ERCC6: variants seen among roughly 807,000 people sequenced by gnomAD.
ERCC6 encodes DNA excision repair protein ERCC-6.
ERCC6 carries 116 observed loss-of-function variants against 158.7 expected under a neutral mutation model. The ratio of observed to expected loss-of-function variants is 0.73; its 90% CI spans 0.63 to 0.85. The LOEUF is 0.85. Ranked by LOEUF, ERCC6 falls within the 40% of genes least tolerant of loss-of-function variation. The pLI, the probability that ERCC6 is intolerant of heterozygous loss-of-function variation, is 0.00. For synonymous variants in ERCC6, 678 were observed against 659.3 expected (o/e 1.03, Z -0.43); for missense variants, 1,698 against 1,799.4 (o/e 0.94, Z 1.02).
At chr10:49,534,261 C>T (rs1348317427) in intron 1 of ERCC6, among the ~76,000 whole-genome samples, 1 of 152,058 alleles carries the variant, frequency 6.6e-6, no homozygotes, top group African/African-American at 2.4e-5. Context: ...AGAAGGATCC[C>T]CCCTCACATA....
chr10:49,478,733 T>C (rs1410754712), intron 10 of ERCC6, among the ~76,000 whole-genome samples: 1 of 152,212 alleles, frequency 6.6e-6, no homozygotes, highest in African/African-American at 2.4e-5. Flanking sequence ...ACTGATAATT[T>C]TGTGCCTTAT....
chr10:49,440,731 A>C, the ERCC6 span, among the ~76,000 whole-genome samples: 1 of 152,216 alleles, frequency 6.6e-6, no homozygotes, highest in Admixed American at 6.5e-5. Flanking sequence ...AAAAGAAGTC[A>C]ATAATTAACT....
Position 49,459,113 on chromosome 10 carries a change from G to C in ERCC6, c.4184C>G (p.Ala1395Gly), listed in dbSNP as rs771532766. The C allele has an allele frequency of 3.7e-6, 6 of 1,614,200 alleles. No individual in the cohort carries two copies. The South Asian group carries it at 4.4e-5, about 12-fold the overall frequency. The part of the protein sequence containing the change: ...ASSSLLAKMR[A>G]RNHLILPERL... Reference sequence around the variant, plus strand: ...CTCTGGCAGAATCAGGTGGTTTCTAGCTCTCATTTTAGCCAAGAGTGAGGA... The same window carrying C: ...CTCTGGCAGAATCAGGTGGTTTCTACCTCTCATTTTAGCCAAGAGTGAGGA... Residue 1395 changes from alanine (A) to glycine (G), a missense_variant, in exon 21 of 21, where the codon GCT becomes GGT. By Grantham distance (60) the Ala-to-Gly change is moderately conservative. Transcript: ENST00000355832.
intron 6 of ERCC6, chr10:49,502,066 C>T (rs963857593): frequency 1.1e-4 from 17 of 152,118 alleles, no homozygotes; most frequent in African/African-American, 4.1e-4. Flanking sequence ...TGTTGTTTTG[C>T]TGTCCAAATA....
chr10:49,472,548 T>G, intron 15 of ERCC6, 78 bp from the exon 16 acceptor site: 53 of 1,359,280 alleles, frequency 3.9e-5, no homozygotes, highest in Middle Eastern at 1.9e-4. Flanking sequence ...CAAAGCTAGC[T>G]GGTCACTACC....
intron 1 of ERCC6, among the ~76,000 whole-genome samples, chr10:49,537,216 C>T (rs1389370996): frequency 5.3e-5 from 8 of 151,826 alleles, no homozygotes; most frequent in South Asian, 2.1e-4. Context: ...TGGAGGCGCG[C>T]GCCTGTAATC....
At chr10:49,463,078 C>T (rs1850612373) in intron 18 of ERCC6, among the ~76,000 whole-genome samples, 2 of 152,168 alleles carry the variant, frequency 1.3e-5, no homozygotes, top group South Asian at 2.1e-4. Context: ...ACCCAAAATT[C>T]TTGGGACCAG....
intron 5 of ERCC6, among the ~76,000 whole-genome samples, chr10:49,520,891 A>G (rs1315358483): frequency 1.3e-5 from 2 of 152,242 alleles, no homozygotes; most frequent in South Asian, 2.1e-4. Flanking sequence ...TCCCTTCTCA[A>G]TGATGCACCT....
In ERCC6 at chr10:49,457,984, T is replaced by C. The variant is rs1037760344; in HGVS notation, c.*831A>G. 2.0e-5 allele frequency: 3 copies of C among 152,294 alleles called. No homozygotes were observed. The highest frequency in any genetic ancestry group is 2.9e-5 in the Non-Finnish European group (2 of 68,070). 9.4% of individuals were successfully genotyped at this position (152,294 alleles called of 1,614,324 possible). ...CAGACAAGAGAGGCCTGGAGTGGTG[T>C]CACTTCATGGTAACAACGGCTGGGT... is the stretch of plus-strand genomic sequence containing the variant. On this transcript the variant is annotated 3_prime_UTR_variant, in exon 21 of 21. Coordinates refer to ENST00000355832, the MANE Select transcript of ERCC6 (RefSeq NM_000124.4).
intron 4 of ERCC6, 109 bp from the exon 5 acceptor site, chr10:49,524,886 A>G: frequency 6.5e-7 from 1 of 1,539,962 alleles, no homozygotes; most frequent in East Asian, 2.4e-5. Flanking sequence ...TAACTCATAT[A>G]AAAAAAGAAT....
In ERCC6 at chr10:49,461,488, C is replaced by T. The variant is rs763644445; in HGVS notation, c.3847G>A (p.Glu1283Lys). 1 of 1,614,154 alleles carries T rather than the reference C, an allele frequency of 6.2e-7. No individual in the cohort carries two copies. The highest frequency in any genetic ancestry group is 2.2e-5 in the East Asian group (1 of 44,878). ...DGASPDYVLV[E>K]AEANRVAQDA... ...TGGGCCACTCGGTTGGCTTCTGCCT[C>T]CACCAGTACATAATCTGGGCTGGCT... Residue 1283 changes from glutamate (E) to lysine (K), a missense_variant, in exon 19 of 21, where the codon GAG becomes AAG. Coordinates refer to ENST00000355832, the MANE Select transcript of ERCC6 (RefSeq NM_000124.4).
chr10:49,507,344 T>A (rs1851460566), intron 5 of ERCC6, among the ~76,000 whole-genome samples: 1 of 152,196 alleles, frequency 6.6e-6, no homozygotes, highest in South Asian at 2.1e-4. Context: ...AATGAAGCAC[T>A]GTTGGTCATT....
intron 17 of ERCC6, 29 bp downstream of exon 17, chr10:49,470,946 A>C (rs1485934315): frequency 6.2e-7 from 1 of 1,613,606 alleles, no homozygotes; most frequent in East Asian, 2.2e-5. Flanking sequence ...GCAATTGATT[A>C]CTTTAAATTA....
rs1350215226 is a variant in ERCC6, at chr10:49,470,407, T to A, written c.3553A>T (p.Thr1185Ser). ...TCTTCTGCCACACTATGATGTTTTG[T>A]TTTTGACTTGTGCTTATAAAAATTA... ...ENNFYKHKSK[T>S]KHHSVAEEET... The change falls in exon 18 of 21, where the codon ACA (threonine) becomes TCA (serine). Residue 1185 changes from threonine to serine, a missense_variant. Coordinates refer to ENST00000355832, the MANE Select transcript of ERCC6 (RefSeq NM_000124.4). 1.2e-6 allele frequency: 2 copies of A among 1,614,190 alleles called. No individual in the cohort carries two copies. The highest frequency in any genetic ancestry group is 1.7e-6 in the Non-Finnish European group (2 of 1,180,030).
intron 5 of ERCC6, among the ~76,000 whole-genome samples, chr10:49,519,311 T>C (rs1837081894): frequency 6.6e-6 from 1 of 152,164 alleles, no homozygotes; most frequent in Non-Finnish European, 1.5e-5. Context: ...GCAAGCCAAT[T>C]AACTGGAGGG....
At chr10:49,482,660 A>G in intron 10 of ERCC6, 27 bp downstream of exon 10, 4 of 1,605,864 alleles carry the variant, frequency 2.5e-6, no homozygotes, top group Non-Finnish European at 3.4e-6. Flanking sequence ...TTAAAATGCC[A>G]AAAGTATTAT....
chr10:49,512,720 G>A (rs571313595), intron 5 of ERCC6, among the ~76,000 whole-genome samples: 1 of 152,266 alleles, frequency 6.6e-6, no homozygotes, highest in South Asian at 2.1e-4. Context: ...GACTAAATAC[G>A]AATTCATTTA....
chr10:49,444,274 G>T, the ERCC6 span, among the ~76,000 whole-genome samples: 1 of 152,124 alleles, frequency 6.6e-6, no homozygotes, highest in Non-Finnish European at 1.5e-5. Flanking sequence ...ACTCGCTCCT[G>T]GACACCCTCC....
At chr10:49,498,999 C>G (rs1851311707) in intron 7 of ERCC6, among the ~76,000 whole-genome samples, 1 of 152,080 alleles carries the variant, frequency 6.6e-6, no homozygotes, top group Non-Finnish European at 1.5e-5. Flanking sequence ...AACCAAAGAG[C>G]TTATTTGAAA....
Sources: gnomAD v4.1 joint callset for allele counts (sites outside exome capture counted in the v4.1 genomes callset) on GRCh38, gnomAD v4.1.1 for gene constraint, MANE v1.5 for transcripts, NCBI Gene and HGNC (gene_info 2026-07-23, HGNC 2026-07-21) for gene names.